Variants in TMEM38B observed in about 807,000 individuals in gnomAD.
TMEM38B encodes transmembrane protein 38B.
TMEM38B carries 24 observed loss-of-function variants against 28.7 expected under a neutral mutation model. The observed-to-expected ratio is 0.84, with a 90% CI of 0.61 to 1.18. TMEM38B has a LOEUF of 1.18. Ranked by LOEUF, TMEM38B falls within the 50% of genes most tolerant of loss-of-function variation. The pLI is 0.00. For synonymous variants in TMEM38B, 131 were observed against 127.7 expected, an observed-to-expected ratio of 1.03 and a Z score of -0.17; for missense variants, 380 against 350.9, an observed-to-expected ratio of 1.08 and a Z score of -0.66.
chr9:105,701,370 C>A (rs1403958029), intron 1 of TMEM38B: 1 of 152,154 alleles, frequency 6.6e-6, no homozygotes, highest in Non-Finnish European at 1.5e-5. Flanking sequence ...TCAATGTGAT[C>A]AAAATCTCTG....
chr9:105,736,697 C>T (rs1218491665), intron 4 of TMEM38B, among the ~76,000 whole-genome samples: 1 of 152,162 alleles, frequency 6.6e-6, no homozygotes, highest in Non-Finnish European at 1.5e-5. Context: ...TCCTGTCCAG[C>T]ATTTATATCT....
At position 105,763,291 on chromosome 9, in the gene TMEM38B, G is replaced by C. The variant is rs934348974; in HGVS notation, c.661-10574G>C. 2.0e-5 allele frequency among the ~76,000 whole-genome samples: 3 copies of C among 152,190 alleles called. No individual in the cohort carries two copies. The East Asian group carries it at 5.8e-4, about 29-fold the overall frequency. On this transcript the variant is annotated intron_variant, in intron 5 of 5. Transcript: ENST00000374692. ...GCTCTCATTTGTCAATTTTGGCTTT[G>C]GTTGCCATTGCTTTTGGTGTTTTAG...
At chr9:105,769,993 T>A (rs898149877) in intron 5 of TMEM38B, among the ~76,000 whole-genome samples, 1 of 152,168 alleles carries the variant, frequency 6.6e-6, no homozygotes, top group African/African-American at 2.4e-5. Flanking sequence ...ATGAGAAGTG[T>A]CTTCAGGTAA....
chr9:105,765,014 C>T (rs896199291), intron 5 of TMEM38B, among the ~76,000 whole-genome samples: 1 of 152,098 alleles, frequency 6.6e-6, no homozygotes, highest in Admixed American at 6.5e-5. Flanking sequence ...GGTTCTGGGA[C>T]AACTGGCTAG....
At chr9:105,725,288 C>T (rs1836468472) in intron 4 of TMEM38B, among the ~76,000 whole-genome samples, 1 of 151,212 alleles carries the variant, frequency 6.6e-6, no homozygotes, top group Non-Finnish European at 1.5e-5. Context: ...GGCTCCTCCT[C>T]CCACCCTTCA....
chr9:105,766,509 A>T (rs1826374963), intron 5 of TMEM38B, among the ~76,000 whole-genome samples: 1 of 152,032 alleles, frequency 6.6e-6, no homozygotes, highest in African/African-American at 2.4e-5. Flanking sequence ...ATCCTTGGTG[A>T]GATATATGTA....
chr9:105,716,272 C>T (rs1054937073), intron 2 of TMEM38B, among the ~76,000 whole-genome samples: 1 of 152,054 alleles, frequency 6.6e-6, no homozygotes, highest in Non-Finnish European at 1.5e-5. Context: ...AAGCTTAAAG[C>T]TCAGAGGGAC....
chr9:105,739,463 T>C (rs1588440083), intron 4 of TMEM38B, among the ~76,000 whole-genome samples: 1 of 152,322 alleles, frequency 6.6e-6, no homozygotes, highest in South Asian at 2.1e-4. Context: ...GGAATTTTGA[T>C]AGACATAACA....
chr9:105,746,315 A>G (rs967590133), intron 4 of TMEM38B, among the ~76,000 whole-genome samples: 3 of 152,044 alleles, frequency 2.0e-5, no homozygotes, highest in African/African-American at 4.8e-5. Flanking sequence ...TGGGATTCCT[A>G]GGTATTTTAT....
At chr9:105,762,643 A>G (rs1207570094) in intron 5 of TMEM38B, among the ~76,000 whole-genome samples, 2,492 of 128,852 alleles carry the variant, frequency 0.019, 88 homozygotes, top group African/African-American at 0.073. Flanking sequence ...ACATTTTCTT[A>G]ATCCAGTCTA....
At chr9:105,757,987 T>C (rs78584980) in intron 5 of TMEM38B, among the ~76,000 whole-genome samples, 1,889 of 152,344 alleles carry the variant, frequency 0.012, 33 homozygotes, top group African/African-American at 0.044. Flanking sequence ...CAGCAGTGTT[T>C]CCCAAGGTAT....
intron 4 of TMEM38B, among the ~76,000 whole-genome samples, chr9:105,743,509 A>T (rs562111032): frequency 6.6e-6 from 1 of 152,268 alleles, no homozygotes; most frequent in Admixed American, 6.5e-5. Flanking sequence ...TGTTACTGAG[A>T]TATACTTTAA....
intron 5 of TMEM38B, chr9:105,758,277 G>A (rs1274918882): frequency 8.8e-6 from 6 of 678,244 alleles, no homozygotes; most frequent in Non-Finnish European, 1.6e-5. Context: ...GAGGCTCACA[G>A]ACGTTAAATC....
intron 5 of TMEM38B, among the ~76,000 whole-genome samples, chr9:105,766,774 A>T (rs1826388133): frequency 6.6e-6 from 1 of 151,506 alleles, no homozygotes; most frequent in South Asian, 2.1e-4. Flanking sequence ...AAGTTCTGGG[A>T]TACATGTGCA....
intron 4 of TMEM38B, among the ~76,000 whole-genome samples, chr9:105,737,316 G>T (rs748819436): frequency 2.0e-5 from 3 of 150,856 alleles, no homozygotes; most frequent in Non-Finnish European, 4.4e-5. Flanking sequence ...AGAAGAAGGG[G>T]TGCTCCAGAG....
At chr9:105,737,438 A>G (rs1337131434) in intron 4 of TMEM38B, among the ~76,000 whole-genome samples, 1 of 152,142 alleles carries the variant, frequency 6.6e-6, no homozygotes, top group Non-Finnish European at 1.5e-5. Flanking sequence ...CTGGTAGTAT[A>G]TGGCAGAGGC....
At chr9:105,733,825 G>A (rs7030539) in intron 4 of TMEM38B, among the ~76,000 whole-genome samples, 147,618 of 152,126 alleles carry the variant, frequency 0.97, 71,656 homozygotes, top group East Asian at 1. Flanking sequence ...CTCTACTTTT[G>A]TTTCTGATTT....
At chr9:105,749,577 A>G (rs535501877) in intron 5 of TMEM38B, among the ~76,000 whole-genome samples, 2 of 152,362 alleles carry the variant, frequency 1.3e-5, no homozygotes, top group South Asian at 2.1e-4. Context: ...ACCATATCAC[A>G]TATCATACAA....
chr9:105,748,223 A>C (rs762333543), intron 5 of TMEM38B, 33 bp downstream of exon 5: 1 of 1,479,208 alleles, frequency 6.8e-7, no homozygotes, highest in East Asian at 2.3e-5. Flanking sequence ...ATTATTACAA[A>C]TCCTGTATAA....
Sources: gnomAD v4.1 joint callset for allele counts (sites outside exome capture counted in the v4.1 genomes callset) on GRCh38, gnomAD v4.1.1 for gene constraint, MANE v1.5 for transcripts, NCBI Gene and HGNC (gene_info 2026-07-23, HGNC 2026-07-21) for gene names.